Variants in ATCAY observed in about 807,000 individuals in gnomAD.
ATCAY encodes caytaxin.
ATCAY carries 22 observed loss-of-function variants against 47.7 expected under a neutral mutation model. The ratio of observed to expected loss-of-function variants is 0.46; its 90% confidence interval spans 0.33 to 0.66. The LOEUF is 0.66. Ranked by LOEUF, ATCAY falls within the 30% of genes least tolerant of loss-of-function variation. The pLI is 0.02. For synonymous variants in ATCAY, 216 were observed against 207.6 expected, an observed-to-expected ratio of 1.04 and a Z score of -0.35; for missense variants, 452 against 515.0, an observed-to-expected ratio of 0.88 and a Z score of 1.18.
rs754044132 is a variant in ATCAY at position 3,902,557 on chromosome 19, C to T, written c.136+12C>T. 16 of 1,562,998 alleles carry T rather than the reference C, an allele frequency of 1.0e-5. No homozygotes were observed. The highest frequency in any genetic ancestry group is 2.4e-5 in the East Asian group (1 of 42,010). On this transcript the variant is annotated intron_variant, in intron 3 of 12. Coordinates refer to ENST00000450849, the MANE Select transcript of ATCAY (RefSeq NM_033064.5). ...GGAAGACACATCCTGTAAGTTTCCACGTCCACAGAAGGGCGGAAACAGGCT... is the reference window on the plus strand; with the variant it reads ...GGAAGACACATCCTGTAAGTTTCCATGTCCACAGAAGGGCGGAAACAGGCT...
intron 2 of ATCAY, among the ~76,000 whole-genome samples, chr19:3,888,526 A>G (rs1457814622): frequency 6.6e-6 from 1 of 151,998 alleles, no homozygotes; most frequent in Non-Finnish European, 1.5e-5. Flanking sequence ...GCTACTCAGG[A>G]GGCTGAGGCA....
rs1485447287 is a variant in ATCAY at position 3,913,789 on chromosome 19, C to A, written c.898C>A (p.His300Asn). The A allele has an allele frequency of 1.2e-6, 2 of 1,613,910 alleles. No homozygotes were observed. The highest frequency in any genetic ancestry group is 8.5e-7 in the Non-Finnish European group (1 of 1,179,862). The change falls in exon 9 of 13, where the codon CAC becomes AAC. Residue 300 changes from histidine (H) to asparagine (N), a missense_variant. Coordinates refer to ENST00000450849, the MANE Select transcript of ATCAY (RefSeq NM_033064.5). ...GTTCATCAACAAGATCCAGTACGTG[C>A]ACAGCTTGGAAGACCTGGAGCAACT... ...VKFINKIQYV[H>N]SLEDLEQLIP...
rs1166217371 is a variant in ATCAY, at chr19:3,907,643, G to A, written c.359-91G>A. 2.7e-6 allele frequency: 4 copies of A among 1,488,226 alleles called. No individual in the cohort carries two copies. The African/African-American group carries it at 5.6e-5, about 21-fold the overall frequency. 92.2% of individuals were successfully genotyped at this position (1,488,226 alleles called of 1,614,324 possible). A position where few individuals can be genotyped will look rare whatever the true frequency, so the allele number is the denominator to read the frequency against. ...AAGGACTTGTGGGTCCCGGCAGCGA[G>A]GGAGGTGGGAGAGGGGAAGGAAGGC... On this transcript the variant is annotated intron_variant, in intron 4 of 12. Transcript: ENST00000450849. This position sits in a 1 kb window ranked among gnomAD's most constrained non-coding sequence, Gnocchi z 5.1.
chr19:3,906,274 CAGG>C (rs2038860140), intron 4 of ATCAY, among the ~76,000 whole-genome samples: 2 of 150,396 alleles, frequency 1.3e-5, no homozygotes, highest in Admixed American at 1.3e-4. Flanking sequence ...GGAGGGGTGC[CAGG>C]AGGAGGGTCC....
chr19:3,912,362 G>A (rs1436125491), intron 8 of ATCAY, among the ~76,000 whole-genome samples: 1 of 151,566 alleles, frequency 6.6e-6, no homozygotes, highest in Non-Finnish European at 1.5e-5. Context: ...CGCCCAGGCT[G>A]GAGTGCAGTG....
Position 3,907,799 on chromosome 19 carries a change from A to AT in ATCAY, c.424_425insT (p.Thr142IlefsTer87), listed in dbSNP as rs1190122049. On this transcript the variant is annotated frameshift_variant, in exon 5 of 13. Transcript: ENST00000450849. LOFTEE classifies it high-confidence loss of function. The surrounding 1 kb of genome is among the most constrained non-coding windows in gnomAD (Gnocchi z 5.1). ...CAGCGCGGATCTATTTGGGGACGGCACGACGGAGGACGGCAGCGCCGCCAA... is the reference window on the plus strand; with the variant it reads ...CAGCGCGGATCTATTTGGGGACGGCATCGACGGAGGACGGCAGCGCCGCCAA... 1 of 1,613,990 alleles carries AT rather than the reference A, an allele frequency of 6.2e-7. No homozygotes were observed.
chr19:3,921,237 G>A (rs1395612605), intron 12 of ATCAY, among the ~76,000 whole-genome samples: 1 of 152,156 alleles, frequency 6.6e-6, no homozygotes, highest in Non-Finnish European at 1.5e-5. Context: ...GTGGCCGGGC[G>A]CAGCGTCTCA....
chr19:3,895,025 C>T, intron 2 of ATCAY: 25 of 385,552 alleles, frequency 6.5e-5, no homozygotes, highest in Middle Eastern at 3.7e-4. Flanking sequence ...TTTTCTCTCT[C>T]TCTCCTCTCC....
rs1442419855 is a variant in ATCAY at position 3,907,080 on chromosome 19, G to A, written c.359-654G>A. Among the ~76,000 whole-genome samples the A allele has an allele frequency of 6.7e-6, 1 of 150,124 alleles. No homozygotes were observed. The highest frequency in any genetic ancestry group is 2.5e-5 in the African/African-American group (1 of 40,720). The stretch of plus-strand genomic sequence containing the variant: ...ACTCTGGAGGCAGAGGCTGCAGTGA[G>A]CAGAGATCGCACCACTCCACTCCAG... On this transcript the variant is annotated intron_variant, in intron 4 of 12. Coordinates refer to ENST00000450849, the MANE Select transcript of ATCAY (RefSeq NM_033064.5). This position sits in a 1 kb window ranked among gnomAD's most constrained non-coding sequence, Gnocchi z 5.1.
chr19:3,909,867 C>G (rs561275414), intron 7 of ATCAY, among the ~76,000 whole-genome samples: 1 of 152,242 alleles, frequency 6.6e-6, no homozygotes, highest in South Asian at 2.1e-4. Context: ...GGTGGATCAC[C>G]TGAGGTCAGG....
At chr19:3,916,180 C>T (rs149395056) in intron 9 of ATCAY, among the ~76,000 whole-genome samples, 39 of 152,294 alleles carry the variant, frequency 2.6e-4, no homozygotes, top group East Asian at 7.7e-4. Context: ...TCTCACTGAG[C>T]GTGACATCCT....
At chr19:3,913,906 C>A (rs2038943710) in intron 9 of ATCAY, 50 bp downstream of exon 9, 1 of 1,514,560 alleles carries the variant, frequency 6.6e-7, no homozygotes. Context: ...TTTCGTGCTG[C>A]TGATAAAGAC....
intron 1 of ATCAY, among the ~76,000 whole-genome samples, 168 bp downstream of exon 1, chr19:3,881,176 AG>A (rs2038595403): frequency 6.6e-6 from 1 of 151,998 alleles, no homozygotes; most frequent in East Asian, 1.9e-4. Context: ...TCCCGGTACC[AG>A]GGAAAACCGT....
intron 9 of ATCAY, among the ~76,000 whole-genome samples, chr19:3,916,540 C>T (rs2038967543): frequency 1.3e-5 from 2 of 152,208 alleles, no homozygotes; most frequent in Non-Finnish European, 2.9e-5. Flanking sequence ...GTCACCCAGG[C>T]TGGAGTGCAG....
rs1296102344 is a variant in ATCAY, at chr19:3,903,910, G to A, written c.136+1365G>A. Among the ~76,000 whole-genome samples the A allele has an allele frequency of 3.3e-5, 5 of 150,688 alleles. 1 individual carries two copies. The highest frequency in any genetic ancestry group is 7.3e-5 in the African/African-American group (3 of 40,964). ...TCCCAGCACTTTGGGAGGCCGAGGCGGGCAGATCACGAGGTCAGGAGTTTG... is the reference window on the plus strand; with the variant it reads ...TCCCAGCACTTTGGGAGGCCGAGGCAGGCAGATCACGAGGTCAGGAGTTTG... On this transcript the variant is annotated intron_variant, in intron 3 of 12. Coordinates refer to ENST00000450849, the MANE Select transcript of ATCAY (RefSeq NM_033064.5).
intron 8 of ATCAY, among the ~76,000 whole-genome samples, chr19:3,913,487 C>T (rs1195025459): frequency 6.6e-6 from 1 of 152,196 alleles, no homozygotes; most frequent in African/African-American, 2.4e-5. Flanking sequence ...TCCTGACTTC[C>T]TTCCAACAAG....
At chr19:3,918,931 A>C in intron 11 of ATCAY, 54 bp downstream of exon 11, 4 of 1,587,282 alleles carry the variant, frequency 2.5e-6, no homozygotes, top group Non-Finnish European at 2.6e-6. Context: ...GAGGCTGCCT[A>C]CTCCCTTGGG....
chr19:3,909,961 T>A (rs2038909592), intron 7 of ATCAY, among the ~76,000 whole-genome samples: 1 of 152,082 alleles, frequency 6.6e-6, no homozygotes, highest in Non-Finnish European at 1.5e-5. Context: ...TGGTGGCGCA[T>A]GCCTGTAGTC....
Position 3,924,618 on chromosome 19 carries a change from T to A in ATCAY, c.*26T>A. 6.2e-7 allele frequency: 1 copy of A among 1,613,330 alleles called. No homozygotes were observed. The highest frequency in any genetic ancestry group is 8.5e-7 in the Non-Finnish European group (1 of 1,179,510). On this transcript the variant is annotated 3_prime_UTR_variant, in exon 13 of 13. Transcript: ENST00000450849. ...GGCGACGTGAGCATAACAAAGGACA[T>A]GGAAGAAGATTCCAGATGCCAGAAA...
Sources: allele counts gnomAD v4.1 joint callset (sites outside exome capture counted in the v4.1 genomes callset), GRCh38; gene constraint gnomAD v4.1.1; non-coding constraint Gnocchi (gnomAD v3.1); transcripts MANE v1.5; gene names NCBI Gene and HGNC (gene_info 2026-07-23, HGNC 2026-07-21).